The following IARS1 variants were observed in gnomAD, a reference collection of about 807,000 sequenced individuals.
IARS1 encodes the protein isoleucyl-tRNA synthetase 1.
Under a neutral mutation model 168.2 loss-of-function variants are expected in IARS1, and 124 were observed. The observed-to-expected ratio is 0.74, with a 90% CI of 0.64 to 0.86. The LOEUF (loss-of-function observed/expected upper bound fraction) is 0.86. IARS1 is among the 40% of genes least tolerant of loss of function. IARS1 has a pLI of 0.00. For synonymous variants in IARS1, 532 were observed against 529.4 expected (o/e 1.00, Z -0.07); for missense variants, 1,452 against 1,515.8 (o/e 0.96, Z 0.70).
chr9:92,250,386 A>T (rs1221052303), intron 23 of IARS1, 97 bp from the exon 24 acceptor site: 1 of 823,916 alleles, frequency 1.2e-6, no homozygotes. Context: ...GTCAGGCTAG[A>T]GAAGTGTGGC....
chr9:92,224,201 G>A (rs1371182519), intron 31 of IARS1, among the ~76,000 whole-genome samples: 2 of 152,226 alleles, frequency 1.3e-5, no homozygotes, highest in Admixed American at 6.5e-5. Context: ...ACATTTTAGG[G>A]CTTGCTGTGT....
rs763283308 is a variant in IARS1 at position 92,285,741 on chromosome 9, T to A, written c.578A>T (p.Glu193Val). ...TACNTPLSNF[E>V]SHQNYKDVQD... ...ACGTACCTTATAATTCTGGTGTGAC[T>A]CGAAGTTGGAAAGTGGAGTGTTACA... The change falls in exon 6 of 34, where the codon GAG (glutamate) becomes GTG (valine). Residue 193 changes from glutamate (E) to valine (V), a missense_variant. Coordinates refer to ENST00000443024, the MANE Select transcript of IARS1 (RefSeq NM_002161.6). The A allele has an allele frequency of 2.5e-6, 4 of 1,606,104 alleles. No homozygotes were observed. In the South Asian group the frequency reaches 4.4e-5, roughly 18 times the overall value.
chr9:92,210,939 G>T, intron 33 of IARS1, 50 bp from the exon 34 acceptor site: 1 of 1,190,030 alleles, frequency 8.4e-7, no homozygotes, highest in Non-Finnish European at 1.3e-6. Context: ...TACCTATTGG[G>T]GGTGAATATT....
At chr9:92,222,792 G>T in intron 32 of IARS1, 120 bp from the exon 33 acceptor site, 1 of 864,480 alleles carries the variant, frequency 1.2e-6, no homozygotes, top group Non-Finnish European at 1.7e-6. Flanking sequence ...GTCCAGGAGC[G>T]TGAGTGTGAC....
intron 33 of IARS1, among the ~76,000 whole-genome samples, chr9:92,213,028 G>A (rs1838020566): frequency 6.6e-6 from 1 of 152,080 alleles, no homozygotes; most frequent in South Asian, 2.1e-4. Flanking sequence ...GAGAGTCACT[G>A]AAAATAAACC....
At chr9:92,285,135 A>G (rs1232315659) in intron 6 of IARS1, among the ~76,000 whole-genome samples, 1 of 152,170 alleles carries the variant, frequency 6.6e-6, no homozygotes, top group Non-Finnish European at 1.5e-5. Flanking sequence ...ACTGAAAACA[A>G]CTCAGTATAC....
Position 92,247,377 on chromosome 9 carries a change from CA to C in IARS1, c.2790del (p.Thr932ProfsTer42). 1 of 1,613,154 alleles carries C rather than the reference CA, an allele frequency of 6.2e-7. No individual in the cohort carries two copies. On this transcript the variant is annotated frameshift_variant and splice_region_variant, in exon 26 of 34. Coordinates refer to ENST00000443024, the MANE Select transcript of IARS1 (RefSeq NM_002161.6). LOFTEE classifies it high-confidence loss of function. ...SSEELEQFQK[T>X]GTIVVEGHEL... ...TGCCCTTGTCTGTGTAGACACCTACCAGTCTTCTGGAACTGCTCCAGCTCCT... is the reference window on the plus strand; with the variant it reads ...TGCCCTTGTCTGTGTAGACACCTACCGTCTTCTGGAACTGCTCCAGCTCCT...
At chr9:92,215,142 G>A (rs1028560530) in intron 33 of IARS1, among the ~76,000 whole-genome samples, 11 of 152,156 alleles carry the variant, frequency 7.2e-5, no homozygotes, top group South Asian at 2.1e-4. Flanking sequence ...TATCTGGGAG[G>A]CACCCCCCAG....
chr9:92,214,932 G>A (rs1838395091), intron 33 of IARS1, among the ~76,000 whole-genome samples: 1 of 152,250 alleles, frequency 6.6e-6, no homozygotes, highest in Admixed American at 6.5e-5. Flanking sequence ...AGCTCAAGGA[G>A]GCCTGCATGC....
chr9:92,292,402 C>A (rs909173215), intron 1 of IARS1: 4 of 153,332 alleles, frequency 2.6e-5, no homozygotes, highest in Non-Finnish European at 5.9e-5. Context: ...TTAAGAATCA[C>A]TGCATTATTA....
intron 17 of IARS1, among the ~76,000 whole-genome samples, chr9:92,260,742 T>C (rs960512609): frequency 6.6e-6 from 1 of 152,194 alleles, no homozygotes. Flanking sequence ...ACTAAGTCCA[T>C]GAGGAAGCTT....
intron 33 of IARS1, among the ~76,000 whole-genome samples, chr9:92,218,224 AC>A (rs1225321816): frequency 0.014 from 2,042 of 144,446 alleles, 39 homozygotes; most frequent in African/African-American, 0.05. Flanking sequence ...AAATTCAACA[AC>A]CCTTCATGCT....
At chr9:92,223,978 T>C (rs1825228144) in intron 31 of IARS1, among the ~76,000 whole-genome samples, 1 of 152,120 alleles carries the variant, frequency 6.6e-6, no homozygotes. Flanking sequence ...CTGGTAATGG[T>C]TGTGATATAG....
rs569079278 is a variant in IARS1, at chr9:92,271,908, T to C, written c.991-253A>G. ...CATATGTAGCAGAGTATCCACTAAA[T>C]GAGAAGATAGATGACATACATCAAT... On this transcript the variant is annotated intron_variant, in intron 10 of 33. Coordinates refer to ENST00000443024, the MANE Select transcript of IARS1 (RefSeq NM_002161.6). Among the ~76,000 whole-genome samples, 50 of 152,268 alleles carry C rather than the reference T, an allele frequency of 3.3e-4. No individual in the cohort carries two copies. The South Asian group carries it at 0.01, about 32-fold the overall frequency.
intron 7 of IARS1, 116 bp downstream of exon 7, chr9:92,280,630 A>T: frequency 1.7e-6 from 1 of 578,488 alleles, no homozygotes; most frequent in Non-Finnish European, 2.8e-6. Context: ...TAATTAAGTC[A>T]GATTGTTTTC....
intron 33 of IARS1, among the ~76,000 whole-genome samples, 180 bp downstream of exon 33, chr9:92,222,340 C>CAAA (rs60335070): frequency 1.5e-3 from 85 of 55,370 alleles, no homozygotes; most frequent in African/African-American, 2.0e-3. Context: ...GACTCAGTCT[C>CAAA]AAAAAAAAAA....
At chr9:92,215,705 GA>G (rs1838557392) in intron 33 of IARS1, among the ~76,000 whole-genome samples, 1 of 152,070 alleles carries the variant, frequency 6.6e-6, no homozygotes, top group African/African-American at 2.4e-5. Context: ...AATGAAGCGA[GA>G]AGGGAAGTTT....
intron 20 of IARS1, among the ~76,000 whole-genome samples, chr9:92,255,118 A>G (rs975482804): frequency 6.6e-6 from 1 of 152,138 alleles, no homozygotes; most frequent in Non-Finnish European, 1.5e-5. Context: ...ACTCAGCCTC[A>G]CACTCACTTC....
At chr9:92,284,872 G>A (rs1391585944) in intron 6 of IARS1, among the ~76,000 whole-genome samples, 2 of 152,302 alleles carry the variant, frequency 1.3e-5, no homozygotes, top group African/African-American at 2.4e-5. Context: ...ACATTGTTAA[G>A]TGCTTAAAAT....
Sources: allele counts gnomAD v4.1 joint callset (sites outside exome capture counted in the v4.1 genomes callset), GRCh38; gene constraint gnomAD v4.1.1; transcripts MANE v1.5; gene names NCBI Gene and HGNC (gene_info 2026-07-23, HGNC 2026-07-21).